RPA3: variants seen among roughly 807,000 people sequenced by gnomAD.
RPA3 encodes the protein replication protein A3.
A neutral mutation model predicts 13.7 loss-of-function variants in RPA3; 24 were observed. That is an observed-to-expected ratio of 1.75 (90% CI 1.27 to 2.46). The LOEUF is 2.46. Among genes scored for constraint, RPA3 ranks in the 30% most tolerant of loss-of-function variants. The probability of loss-of-function intolerance (pLI) is 0.00; values close to 1 mark genes in which losing one functional copy is unlikely to be tolerated. For synonymous variants in RPA3, 59 were observed against 51.2 expected (o/e 1.15, Z -0.65); for missense variants, 183 against 151.0 (o/e 1.21, Z -1.11).
At chr7:7,687,182 A>C (rs1383998050) in intron 3 of RPA3, 46 bp downstream of exon 3, 1 of 152,184 alleles carries the variant, frequency 6.6e-6, no homozygotes. Context: ...GATTCTATTT[A>C]AGTTCTGTCA....
At position 7,673,859 on chromosome 7, in the gene RPA3, A is replaced by C. The variant is rs187034012; in HGVS notation, c.-758+11971T>G. Among the ~76,000 whole-genome samples the C allele has an allele frequency of 1.8e-3, 279 of 152,326 alleles. 2 individuals are homozygous for C. The highest frequency in any genetic ancestry group is 0.018 in the South Asian group (87 of 4,832). ...AATAAATATTTGCTGAATGAAGTAG[A>C]CTTTAAAATCTAAATATGTTAAATA... On this transcript the variant is annotated intron_variant, in intron 4 of 7. Coordinates refer to ENST00000223129, the MANE Select transcript of RPA3 (RefSeq NM_002947.5).
At chr7:7,715,295 C>A (rs1460785310) in intron 1 of RPA3, 69 bp from the exon 2 acceptor site, 3 of 151,996 alleles carry the variant, frequency 2.0e-5, no homozygotes, top group African/African-American at 7.3e-5. Context: ...AATACAGTTT[C>A]ATCAATGATC....
At position 7,715,869 on chromosome 7, in the gene RPA3, A is replaced by G. The variant is rs542079388; in HGVS notation, c.-1079-643T>C. Among the ~76,000 whole-genome samples, 9 of 152,340 alleles carry G rather than the reference A, an allele frequency of 5.9e-5. No individual in the cohort carries two copies. The East Asian group carries it at 1.2e-3, about 20-fold the overall frequency. ...ATTTAAAAAATAGTATCGTGATAGCATAGAGCAAAATTTACATTTTAACCA... is the reference window on the plus strand; with the variant it reads ...ATTTAAAAAATAGTATCGTGATAGCGTAGAGCAAAATTTACATTTTAACCA... On this transcript the variant is annotated intron_variant, in intron 1 of 7. Transcript: ENST00000223129.
At chr7:7,674,011 G>A (rs1779677589) in intron 4 of RPA3, among the ~76,000 whole-genome samples, 2 of 152,140 alleles carry the variant, frequency 1.3e-5, no homozygotes, top group African/African-American at 4.8e-5. Flanking sequence ...GTTCTGAAAA[G>A]TAAAATTTCC....
chr7:7,716,921 C>G (rs534428464), intron 1 of RPA3, among the ~76,000 whole-genome samples: 1 of 152,146 alleles, frequency 6.6e-6, no homozygotes, highest in African/African-American at 2.4e-5. Context: ...ATCAATCTCT[C>G]GTGCCCTATG....
At chr7:7,662,277 A>G (rs1283259873) in intron 4 of RPA3, among the ~76,000 whole-genome samples, 1 of 152,268 alleles carries the variant, frequency 6.6e-6, no homozygotes, top group South Asian at 2.1e-4. Flanking sequence ...GAGCTAGACC[A>G]CTTGGCTCCC....
At chr7:7,681,134 C>CA (rs1376652193) in intron 4 of RPA3, among the ~76,000 whole-genome samples, 1 of 152,138 alleles carries the variant, frequency 6.6e-6, no homozygotes, top group Non-Finnish European at 1.5e-5. Context: ...TCAATATGGA[C>CA]ACCACAGAAT....
chr7:7,685,972 C>G lies in RPA3; in HGVS notation c.-900G>C, dbSNP rs1260282700. On this transcript the variant is annotated 5_prime_UTR_variant, in exon 4 of 8. Transcript: ENST00000223129. ...GTGCTCTCCTGCTTGGTTAGGGATG[C>G]TCCAGATTCCTGGGCCTTGCCCACA... is the stretch of plus-strand genomic sequence containing the variant. The G allele has an allele frequency of 6.6e-6, 1 of 152,196 alleles. No individual in the cohort carries two copies. Among genetic ancestry groups the G allele is most frequent in the African/African-American group, 2.4e-5 (1 of 41,452 alleles). 9.4% of individuals were successfully genotyped at this position (152,196 alleles called of 1,614,324 possible).
rs765815079 is a variant in RPA3 at position 7,640,379 on chromosome 7, C to T, written c.40G>A (p.Ala14Thr). 6.2e-7 allele frequency: 1 copy of T among 1,613,932 alleles called. No homozygotes were observed. Among genetic ancestry groups the T allele is most frequent in the Admixed American group, 1.7e-5 (1 of 60,004 alleles). Residue 14 changes from alanine to threonine, a missense_variant, in exon 5 of 8, where the codon GCC (alanine) becomes ACC (threonine). Coordinates refer to ENST00000223129, the MANE Select transcript of RPA3 (RefSeq NM_002947.5). The part of the protein sequence containing the change: ...MMDLPRSRIN[A>T]GMLAQFIDKP... ...TCGATGAATTGAGCTAGCATGCCGG[C>T]GTTGATGCGCGACCTGGGCAAGTCC...
chr7:7,694,469 T>C (rs1415687833), intron 2 of RPA3, among the ~76,000 whole-genome samples: 1 of 152,136 alleles, frequency 6.6e-6, no homozygotes, highest in Admixed American at 6.6e-5. Flanking sequence ...ATGCCAGATC[T>C]TACTTATTGT....
chr7:7,685,193 G>C (rs968778886), intron 4 of RPA3, among the ~76,000 whole-genome samples: 6 of 152,000 alleles, frequency 3.9e-5, no homozygotes, highest in Non-Finnish European at 7.4e-5. Context: ...GGTAATCTTA[G>C]TACTACAATA....
chr7:7,695,577 G>A (rs1314133116), intron 2 of RPA3, among the ~76,000 whole-genome samples: 1 of 151,966 alleles, frequency 6.6e-6, no homozygotes, highest in African/African-American at 2.4e-5. Context: ...CATGTTCTTT[G>A]GCACTAGCAG....
intron 2 of RPA3, among the ~76,000 whole-genome samples, chr7:7,709,637 G>T (rs1476357818): frequency 6.6e-6 from 1 of 152,206 alleles, no homozygotes; most frequent in East Asian, 1.9e-4. Context: ...CCTAACAAGG[G>T]TCTGTTTGGT....
intron 4 of RPA3, among the ~76,000 whole-genome samples, chr7:7,667,649 A>G (rs1256162210): frequency 6.6e-6 from 1 of 152,240 alleles, no homozygotes; most frequent in Non-Finnish European, 1.5e-5. Flanking sequence ...TTGTGCAGGT[A>G]GTAAATGTCT....
At chr7:7,651,344 G>T (rs1785219612) in intron 4 of RPA3, among the ~76,000 whole-genome samples, 1 of 152,136 alleles carries the variant, frequency 6.6e-6, no homozygotes, top group Non-Finnish European at 1.5e-5. Flanking sequence ...CTGGGGTTTG[G>T]GGTTTATAAG....
intron 4 of RPA3, among the ~76,000 whole-genome samples, chr7:7,666,673 C>T (rs1314502880): frequency 2.6e-5 from 4 of 151,770 alleles, no homozygotes; most frequent in South Asian, 2.1e-4. Flanking sequence ...ATTTTTTGCC[C>T]GGTTTTTATT....
chr7:7,687,974 T>A (rs373005614), intron 2 of RPA3, among the ~76,000 whole-genome samples: 2 of 152,182 alleles, frequency 1.3e-5, no homozygotes, highest in African/African-American at 4.8e-5. Flanking sequence ...ACCCCTGAAA[T>A]AGCTTGTTGA....
chr7:7,689,937 T>C (rs926101336), intron 2 of RPA3, among the ~76,000 whole-genome samples: 7 of 152,152 alleles, frequency 4.6e-5, no homozygotes, highest in African/African-American at 1.4e-4. Flanking sequence ...CACATAATAG[T>C]TTGCTACTTA....
Position 7,658,982 on chromosome 7 carries a change from A to G in RPA3, c.-757-17807T>C, listed in dbSNP as rs1785410373. On this transcript the variant is annotated intron_variant, in intron 4 of 7. Transcript: ENST00000223129. ...CTATTAATTACTGCCTCAATTTCAGAACTTGTTATTGGTCTATTCAGGGAT... is the reference window on the plus strand; with the variant it reads ...CTATTAATTACTGCCTCAATTTCAGGACTTGTTATTGGTCTATTCAGGGAT... Among the ~76,000 whole-genome samples, 4 of 151,988 alleles carry G rather than the reference A, an allele frequency of 2.6e-5. No homozygotes were observed. In the South Asian group the frequency reaches 6.2e-4, roughly 24 times the overall value.
Sources: allele counts gnomAD v4.1 joint callset (sites outside exome capture counted in the v4.1 genomes callset), GRCh38; gene constraint gnomAD v4.1.1; transcripts MANE v1.5; gene names NCBI Gene and HGNC (gene_info 2026-07-23, HGNC 2026-07-21).